Variants in ADGRL2 observed in about 807,000 individuals in gnomAD.
ADGRL2 encodes the protein adhesion G protein-coupled receptor L2.
In ADGRL2, 44 loss-of-function variants were observed where a neutral mutation model predicts 157.4. The observed-to-expected ratio is 0.28, with a 90% CI of 0.22 to 0.36. The LOEUF (loss-of-function observed/expected upper bound fraction) is 0.36. ADGRL2 is among the 10% of genes least tolerant of loss of function. The pLI, the probability that ADGRL2 is intolerant of heterozygous loss-of-function variation, is 1.00. For synonymous variants in ADGRL2, 585 were observed against 624.7 expected, an observed-to-expected ratio of 0.94 and a Z score of 0.95; for missense variants, 1,510 against 1,768.9, an observed-to-expected ratio of 0.85 and a Z score of 2.63.
chr1:81,528,281 A>G (rs2148223197), intron 2 of ADGRL2, among the ~76,000 whole-genome samples: 1 of 152,326 alleles, frequency 6.6e-6, no homozygotes, highest in South Asian at 2.1e-4. Flanking sequence ...GCAAGATACA[A>G]CTGGTGCCAA....
intron 1 of ADGRL2, among the ~76,000 whole-genome samples, chr1:81,309,176 A>G (rs777395240): frequency 2.6e-5 from 4 of 152,154 alleles, no homozygotes; most frequent in Non-Finnish European, 5.9e-5. Flanking sequence ...CACTGCCTAT[A>G]TCTTCTGTAA....
chr1:81,794,336 G>A (rs570548011), intron 2 of ADGRL2, among the ~76,000 whole-genome samples: 29 of 152,196 alleles, frequency 1.9e-4, no homozygotes, highest in African/African-American at 6.3e-4. Context: ...AATAATCCTC[G>A]TTAGTTATAT....
intron 1 of ADGRL2, among the ~76,000 whole-genome samples, chr1:81,390,309 T>C (rs1418305277): frequency 6.6e-6 from 1 of 152,288 alleles, no homozygotes; most frequent in African/African-American, 2.4e-5. Flanking sequence ...TTATGAAAAC[T>C]GTGTAAGACT....
In ADGRL2 at chr1:81,475,896, C is replaced by T. The variant is rs190650428; in HGVS notation, c.-248+30807C>T. Reference sequence around the variant, plus strand: ...AAAGCTGTCATGAGTAGTTAGTTATCTCTGCCACGGGGGCAAGTAGCAGGA... The same window carrying T: ...AAAGCTGTCATGAGTAGTTAGTTATTTCTGCCACGGGGGCAAGTAGCAGGA... On this transcript the variant is annotated intron_variant, in intron 2 of 24. Coordinates refer to the ADGRL2 transcript ENST00000370721. 7.9e-4 allele frequency among the ~76,000 whole-genome samples: 121 copies of T among 152,302 alleles called. 1 individual carries two copies. Among genetic ancestry groups the T allele is most frequent in the African/African-American group, 2.8e-3 (117 of 41,562 alleles).
At chr1:81,785,244 T>C (rs554621940) in intron 2 of ADGRL2, among the ~76,000 whole-genome samples, 1 of 152,154 alleles carries the variant, frequency 6.6e-6, no homozygotes, top group South Asian at 2.1e-4. Flanking sequence ...TTGTGTGCCC[T>C]AAGACAAAAT....
chr1:81,421,839 G>A (rs374793002), intron 1 of ADGRL2, among the ~76,000 whole-genome samples: 2 of 151,994 alleles, frequency 1.3e-5, no homozygotes, highest in Admixed American at 6.6e-5. Context: ...AAGAAAACAG[G>A]GTTTAATTGC....
intron 5 of ADGRL2, 59 bp from the exon 6 acceptor site, chr1:81,942,910 T>A (rs1648578880): frequency 1.6e-6 from 2 of 1,257,462 alleles, no homozygotes; most frequent in African/African-American, 3.0e-5. Flanking sequence ...CACTGAAACT[T>A]GTTTGCCTGT....
intron 2 of ADGRL2, among the ~76,000 whole-genome samples, chr1:81,498,080 C>T (rs2078768039): frequency 6.6e-6 from 1 of 152,060 alleles, no homozygotes; most frequent in Non-Finnish European, 1.5e-5. Flanking sequence ...TGTAGGAACC[C>T]TCATTATGAA....
At chr1:81,324,915 C>G (rs1194638152) in intron 1 of ADGRL2, among the ~76,000 whole-genome samples, 2 of 152,008 alleles carry the variant, frequency 1.3e-5, no homozygotes, top group Non-Finnish European at 1.5e-5. Context: ...CGGGGTTTTA[C>G]AGTGTTGGCT....
intron 1 of ADGRL2, among the ~76,000 whole-genome samples, chr1:81,389,699 A>G (rs1443643589): frequency 6.6e-6 from 1 of 152,148 alleles, no homozygotes; most frequent in Non-Finnish European, 1.5e-5. Context: ...AACCACTAAT[A>G]CCACTAAGTA....
chr1:81,502,745 A>C (rs2148024518), intron 2 of ADGRL2: 1 of 1,613,708 alleles, frequency 6.2e-7, no homozygotes, highest in South Asian at 1.1e-5. Flanking sequence ...GCAGCAATTG[A>C]TGGCAACCGC....
At chr1:81,376,048 G>A (rs978193177) in intron 1 of ADGRL2, among the ~76,000 whole-genome samples, 4 of 152,094 alleles carry the variant, frequency 2.6e-5, no homozygotes, top group African/African-American at 7.2e-5. Context: ...CTACCCTTAG[G>A]TGGACTGACC....
At chr1:81,515,459 A>T (rs558491175) in intron 2 of ADGRL2, among the ~76,000 whole-genome samples, 3 of 151,368 alleles carry the variant, frequency 2.0e-5, no homozygotes, top group South Asian at 4.2e-4. Flanking sequence ...AAAAAAAAAA[A>T]AGTCTTCTGT....
chr1:81,560,592 G>A (rs1295942556), intron 2 of ADGRL2, among the ~76,000 whole-genome samples: 1 of 152,070 alleles, frequency 6.6e-6, no homozygotes, highest in Non-Finnish European at 1.5e-5. Flanking sequence ...GAACTGATGA[G>A]AATAAGAAAA....
At chr1:81,765,093 C>G (rs2086067395) in intron 2 of ADGRL2, among the ~76,000 whole-genome samples, 1 of 151,776 alleles carries the variant, frequency 6.6e-6, no homozygotes, top group Non-Finnish European at 1.5e-5. Flanking sequence ...AATTTTTTCA[C>G]TTTACTCTGA....
At chr1:81,440,533 C>T (rs140420889) in intron 1 of ADGRL2, among the ~76,000 whole-genome samples, 1 of 152,312 alleles carries the variant, frequency 6.6e-6, no homozygotes, top group African/African-American at 2.4e-5. Context: ...GACAATCCCG[C>T]AGATTTTAAC....
At chr1:81,761,944 A>T (rs1411729688) in intron 2 of ADGRL2, 2 of 152,086 alleles carry the variant, frequency 1.3e-5, no homozygotes, top group Non-Finnish European at 2.9e-5. Flanking sequence ...CATCTACTAA[A>T]TGTATTGAGT....
At chr1:81,494,142 A>C (rs948831846) in intron 2 of ADGRL2, among the ~76,000 whole-genome samples, 1 of 152,132 alleles carries the variant, frequency 6.6e-6, no homozygotes, top group Non-Finnish European at 1.5e-5. Context: ...CCTAAATGCC[A>C]ATTCTGCATA....
At chr1:81,372,121 A>T (rs2076170656) in intron 1 of ADGRL2, among the ~76,000 whole-genome samples, 1 of 152,222 alleles carries the variant, frequency 6.6e-6, no homozygotes, top group Non-Finnish European at 1.5e-5. Context: ...CATGTGAAAT[A>T]GGAGGTCATT....
Sources: gnomAD v4.1 joint callset for allele counts (sites outside exome capture counted in the v4.1 genomes callset) on GRCh38, gnomAD v4.1.1 for gene constraint, MANE v1.5 for transcripts, NCBI Gene and HGNC (gene_info 2026-07-23, HGNC 2026-07-21) for gene names.